The following ZNF710 variants were observed in gnomAD, a reference collection of about 807,000 sequenced individuals.
ZNF710 encodes the protein zinc finger protein 710.
Under a neutral mutation model 50.6 loss-of-function variants are expected in ZNF710, and 13 were observed. The ratio of observed to expected loss-of-function variants is 0.26; its 90% confidence interval spans 0.17 to 0.41. The LOEUF (loss-of-function observed/expected upper bound fraction) is 0.41. Among genes scored for constraint, ZNF710 ranks in the 10% least tolerant of loss-of-function variants. The pLI is 1.00. For synonymous variants in ZNF710, 383 were observed against 397.0 expected (o/e 0.96, Z 0.42); for missense variants, 721 against 936.6 (o/e 0.77, Z 3.01).
intron 1 of ZNF710, among the ~76,000 whole-genome samples, chr15:90,045,022 C>T (rs145645091): frequency 1.3e-5 from 2 of 152,298 alleles, no homozygotes; most frequent in East Asian, 1.9e-4. Context: ...GCCTGCTGAA[C>T]TCCTACACAA....
chr15:90,072,560 C>A (rs1195855845), intron 2 of ZNF710, among the ~76,000 whole-genome samples: 1 of 151,994 alleles, frequency 6.6e-6, no homozygotes, highest in Non-Finnish European at 1.5e-5. Flanking sequence ...AGGGTCTGAA[C>A]CAAAAAGGCC....
rs78105888 is a variant in ZNF710 at position 90,015,897 on chromosome 15, C to T, written c.-29+14283C>T. Among the ~76,000 whole-genome samples, 983 of 152,316 alleles carry T rather than the reference C, an allele frequency of 6.5e-3. 4 individuals are homozygous for T. The highest frequency in any genetic ancestry group is 0.037 in the Middle Eastern group (11 of 294). On this transcript the variant is annotated intron_variant, in intron 1 of 4. Transcript: ENST00000268154. ...GTGTTGGGATTACAGGCGTGAGTCA[C>T]CGCGCCCAATGCCATACGATGCAAT...
intron 1 of ZNF710, among the ~76,000 whole-genome samples, chr15:90,042,943 C>T (rs1010099365): frequency 6.6e-6 from 1 of 152,220 alleles, no homozygotes; most frequent in Non-Finnish European, 1.5e-5. Context: ...GGCCCTCCCT[C>T]GTGAGTGACA....
At chr15:90,066,575 T>C (rs1285182957) in intron 1 of ZNF710, among the ~76,000 whole-genome samples, 6 of 150,704 alleles carry the variant, frequency 4.0e-5, no homozygotes, top group African/African-American at 1.2e-4. Flanking sequence ...CCTCCCAGGT[T>C]CAAGTGATTC....
intron 1 of ZNF710, among the ~76,000 whole-genome samples, chr15:90,010,340 A>T (rs1481061150): frequency 2.0e-5 from 3 of 152,194 alleles, no homozygotes; most frequent in Admixed American, 6.5e-5. Context: ...CCTCGGCTGG[A>T]GTGCAGTGGC....
chr15:90,079,576 G>GT, intron 4 of ZNF710, 84 bp from the exon 5 acceptor site: 1 of 1,536,724 alleles, frequency 6.5e-7, no homozygotes, highest in Non-Finnish European at 8.8e-7. Context: ...CCTCTCTTTA[G>GT]AAAGGCCATC....
chr15:90,003,167 C>T (rs969952847), intron 1 of ZNF710, among the ~76,000 whole-genome samples: 4 of 152,232 alleles, frequency 2.6e-5, no homozygotes, highest in Non-Finnish European at 5.9e-5. Flanking sequence ...CTTCGAGGTA[C>T]TCGTCCTACT....
At chr15:90,041,272 G>A (rs1899287475) in intron 1 of ZNF710, among the ~76,000 whole-genome samples, 1 of 152,098 alleles carries the variant, frequency 6.6e-6, no homozygotes, top group Admixed American at 6.6e-5. Context: ...CATGATCACA[G>A]CTCCAACATC....
chr15:90,061,131 G>A (rs543330180), intron 1 of ZNF710, among the ~76,000 whole-genome samples: 2 of 151,408 alleles, frequency 1.3e-5, no homozygotes, highest in Admixed American at 6.6e-5. Context: ...GGTTGTTTTT[G>A]TTTGTTTGCT....
chr15:90,067,696 T>C lies in ZNF710; in HGVS notation c.559T>C (p.Tyr187His), dbSNP rs1250536276. ...GAGGCCGGAGCTGAACGTGGCCCCATATGACCCTCACTTCCCGGCCCCGGC... is the reference window on the plus strand; with the variant it reads ...GAGGCCGGAGCTGAACGTGGCCCCACATGACCCTCACTTCCCGGCCCCGGC... ...TPRPELNVAP[Y>H]DPHFPAPARD... The change falls in exon 2 of 5, where the codon TAT becomes CAT. Residue 187 changes from tyrosine (Y) to histidine (H), a missense_variant. By Grantham distance (83) the Tyr-to-His change is moderately conservative (BLOSUM62 2). Transcript: ENST00000268154. The surrounding 1 kb of genome is among the most constrained non-coding windows in gnomAD (Gnocchi z 8.1). The C allele has an allele frequency of 5.0e-6, 8 of 1,611,378 alleles. No individual in the cohort carries two copies. The highest frequency in any genetic ancestry group is 6.8e-6 in the Non-Finnish European group (8 of 1,178,864).
At chr15:90,072,787 C>T (rs1186276090) in intron 2 of ZNF710, among the ~76,000 whole-genome samples, 3 of 152,194 alleles carry the variant, frequency 2.0e-5, no homozygotes, top group Non-Finnish European at 4.4e-5. Context: ...CTTATGTACA[C>T]ATCCACCCTG....
At chr15:90,002,870 G>C (rs569388300) in intron 1 of ZNF710, among the ~76,000 whole-genome samples, 44 of 152,180 alleles carry the variant, frequency 2.9e-4, no homozygotes, top group Non-Finnish European at 5.3e-4. Context: ...AGCAGTATCC[G>C]GGGTGCCTTT....
intron 1 of ZNF710, among the ~76,000 whole-genome samples, chr15:90,030,944 G>A (rs1165212003): frequency 1.3e-5 from 2 of 150,606 alleles, no homozygotes; most frequent in African/African-American, 2.5e-5. Context: ...GCGTGAACCC[G>A]GGAGGCGGAG....
chr15:90,061,888 T>C (rs34349834), intron 1 of ZNF710, among the ~76,000 whole-genome samples: 31,521 of 152,076 alleles, frequency 0.21, 3,889 homozygotes, highest in East Asian at 0.58. Context: ...ACAGGACCCA[T>C]GGGGCAAAGC....
At chr15:90,031,439 A>T (rs1898946242) in intron 1 of ZNF710, among the ~76,000 whole-genome samples, 1 of 152,200 alleles carries the variant, frequency 6.6e-6, no homozygotes. Flanking sequence ...ATTCCTCAGC[A>T]CATTTGAGAA....
rs1899277745 is a variant in ZNF710, at chr15:90,040,939, G to C, written c.-28-26171G>C. On this transcript the variant is annotated intron_variant, in intron 1 of 4. Coordinates refer to ENST00000268154, the MANE Select transcript of ZNF710 (RefSeq NM_198526.4). This position sits in a 1 kb window ranked among gnomAD's most constrained non-coding sequence, Gnocchi z 4.6. ...GTTTTATCATTAGGTCGCAATTTTG[G>C]GTTAAGCCCACAGTATAAATACTAT... 6.6e-6 allele frequency among the ~76,000 whole-genome samples: 1 copy of C among 151,990 alleles called. No individual in the cohort carries two copies. Among genetic ancestry groups the C allele is most frequent in the Non-Finnish European group, 1.5e-5 (1 of 68,024 alleles).
chr15:90,067,980 C>T lies in ZNF710; in HGVS notation c.843C>T (p.Asp281=), dbSNP rs747264234. 16 of 1,614,158 alleles carry T rather than the reference C, an allele frequency of 9.9e-6. No individual in the cohort carries two copies. The highest frequency in any genetic ancestry group is 1.6e-4 in the Middle Eastern group (1 of 6,062). Residue 281 remains aspartate, a synonymous_variant, in exon 2 of 5, where the codon GAC becomes GAT. Transcript: ENST00000268154. This position sits in a 1 kb window ranked among gnomAD's most constrained non-coding sequence, Gnocchi z 8.1. The part of the protein sequence containing the change: ...LDRLDINVQI[D]DSYLVEAGDR... Reference sequence around the variant, plus strand: ...GGCTGGACATCAACGTGCAGATTGACGACTCCTATCTGGTGGAGGCGGGCG... The same window carrying T: ...GGCTGGACATCAACGTGCAGATTGATGACTCCTATCTGGTGGAGGCGGGCG...
At position 90,062,866 on chromosome 15, in the gene ZNF710, T is replaced by C. The variant is rs1490094103; in HGVS notation, c.-28-4244T>C. Among the ~76,000 whole-genome samples, 2 of 152,178 alleles carry C rather than the reference T, an allele frequency of 1.3e-5. No homozygotes were observed. Among genetic ancestry groups the C allele is most frequent in the Non-Finnish European group, 2.9e-5 (2 of 68,022 alleles). Reference sequence around the variant, plus strand: ...CACGCGCACACACACACAGCCTGCCTGGCCGCCCCAGTGAACAAGACAACA... The same window carrying C: ...CACGCGCACACACACACAGCCTGCCCGGCCGCCCCAGTGAACAAGACAACA... On this transcript the variant is annotated intron_variant, in intron 1 of 4. Transcript: ENST00000268154. The surrounding 1 kb of genome is among the most constrained non-coding windows in gnomAD (Gnocchi z 5.6).
chr15:90,019,869 AG>A (rs1898563471), intron 1 of ZNF710, among the ~76,000 whole-genome samples: 1 of 152,188 alleles, frequency 6.6e-6, no homozygotes, highest in South Asian at 2.1e-4. Context: ...AGTCTGTCAG[AG>A]AACTTAGGCT....
Sources: gnomAD v4.1 joint callset for allele counts (sites outside exome capture counted in the v4.1 genomes callset) on GRCh38, gnomAD v4.1.1 for gene constraint, Gnocchi (gnomAD v3.1) non-coding constraint, MANE v1.5 for transcripts, NCBI Gene and HGNC (gene_info 2026-07-23, HGNC 2026-07-21) for gene names.